Variants in MLXIP observed in about 807,000 individuals in gnomAD.
MLXIP encodes the protein MLX-interacting protein.
A neutral mutation model predicts 87.2 loss-of-function variants in MLXIP; 30 were observed. That is an observed-to-expected ratio of 0.34 (90% CI 0.26 to 0.47). MLXIP has a LOEUF of 0.47. Ranked by LOEUF, MLXIP falls within the 20% of genes least tolerant of loss-of-function variation. MLXIP has a pLI of 1.00. For synonymous variants in MLXIP, 530 were observed against 514.0 expected (o/e 1.03, Z -0.42); for missense variants, 1,002 against 1,240.1 (o/e 0.81, Z 2.88).
chr12:122,127,192 C>T, intron 1 of MLXIP, 64 bp from the exon 2 acceptor site: 1 of 1,318,704 alleles, frequency 7.6e-7, no homozygotes, highest in Non-Finnish European at 1.1e-6. Flanking sequence ...TCGGGTGGCA[C>T]TTTGTAATTT....
chr12:122,128,160 C>G (rs1428843163), intron 3 of MLXIP, 192 bp downstream of exon 3: 7 of 573,758 alleles, frequency 1.2e-5, no homozygotes, highest in Non-Finnish European at 2.2e-5. Flanking sequence ...AGAGCCTCCC[C>G]CTTCTCAGAG....
chr12:122,132,707 T>TAA (rs1274442835), intron 8 of MLXIP: 1 of 283,254 alleles, frequency 3.5e-6, no homozygotes, highest in Non-Finnish European at 6.6e-6. Flanking sequence ...CTAATAAAAA[T>TAA]AACTTCTGTA....
intron 1 of MLXIP, among the ~76,000 whole-genome samples, chr12:122,094,559 G>T (rs1182595405): frequency 4.1e-4 from 57 of 139,850 alleles, no homozygotes; most frequent in Non-Finnish European, 8.2e-4. Flanking sequence ...GGGTGTGTTT[G>T]CAGTGTGTGT....
Position 122,085,100 on chromosome 12 carries a change from C to T in MLXIP, c.413+5834C>T, listed in dbSNP as rs528123108. Among the ~76,000 whole-genome samples the T allele has an allele frequency of 7.9e-5, 12 of 152,052 alleles. No individual in the cohort carries two copies. The East Asian group carries it at 9.7e-4, about 12-fold the overall frequency. ...TGCAAATGCCAGTTCCTCTCCAGAG[C>T]GGGAAACCCAGATGGGGAAGGTGGA... On this transcript the variant is annotated intron_variant, in intron 1 of 16. Transcript: ENST00000319080.
In MLXIP at chr12:122,129,698, C is replaced by T. The variant is rs1593107020; in HGVS notation, c.738+69C>T. Reference sequence around the variant, plus strand: ...GACAGCAGGGACTTCGGTGGCCCACCAGGGAGCCCTGCAAAAGGCGGCAGG... The same window carrying T: ...GACAGCAGGGACTTCGGTGGCCCACTAGGGAGCCCTGCAAAAGGCGGCAGG... On this transcript the variant is annotated intron_variant, in intron 5 of 16. Coordinates refer to ENST00000319080, the MANE Select transcript of MLXIP (RefSeq NM_014938.6). The T allele has an allele frequency of 9.5e-6, 15 of 1,577,944 alleles. 1 individual carries two copies. In the East Asian group the frequency reaches 2.7e-4, roughly 29 times the overall value.
rs927491262 is a variant in MLXIP at position 122,078,793 on chromosome 12, G to T, written c.-61G>T. 2.0e-4 allele frequency: 207 copies of T among 1,025,840 alleles called. No homozygotes were observed. Among genetic ancestry groups the T allele is most frequent in the Non-Finnish European group, 2.2e-4 (190 of 858,236 alleles). The allele number at this position is 1,025,840 out of a possible 1,614,324, so 63.5% of individuals were successfully genotyped here. ...GGCCGGGCCGGGCCGGCGCCCCTCT[G>T]CCTCGCGCGCTTGTCGCGTTGCCCC... On this transcript the variant is annotated 5_prime_UTR_variant, in exon 1 of 17. Coordinates refer to ENST00000319080, the MANE Select transcript of MLXIP (RefSeq NM_014938.6).
chr12:122,124,145 G>A (rs1165638459), intron 1 of MLXIP, among the ~76,000 whole-genome samples: 4 of 138,466 alleles, frequency 2.9e-5, no homozygotes, highest in Non-Finnish European at 6.2e-5. Context: ...GAACCTCCCC[G>A]CCTCAGCTGT....
Position 122,135,482 on chromosome 12 carries a change from A to G in MLXIP, c.1855-7A>G. ...TCAGGGGTGACCTGTCTCCCATGTCACTGCAGGCTCCTGGGGTCCCGGAGT... is the reference window on the plus strand; with the variant it reads ...TCAGGGGTGACCTGTCTCCCATGTCGCTGCAGGCTCCTGGGGTCCCGGAGT... On this transcript the variant is annotated splice_region_variant and splice_polypyrimidine_tract_variant and intron_variant, in intron 10 of 16. Transcript: ENST00000319080. This position sits in a 1 kb window ranked among gnomAD's most constrained non-coding sequence, Gnocchi z 5.3. 1 of 1,609,886 alleles carries G rather than the reference A, an allele frequency of 6.2e-7. No individual in the cohort carries two copies. Among genetic ancestry groups the G allele is most frequent in the Non-Finnish European group, 8.5e-7 (1 of 1,178,478 alleles).
chr12:122,119,768 A>C (rs1349492759), intron 1 of MLXIP, among the ~76,000 whole-genome samples: 1 of 152,228 alleles, frequency 6.6e-6, no homozygotes, highest in Non-Finnish European at 1.5e-5. Flanking sequence ...ACAGTGCTGC[A>C]GTTTAATGTC....
chr12:122,137,796 C>T lies in MLXIP; in HGVS notation c.2154+206C>T, dbSNP rs1422913094. ...CCCCCTGGAGGCTTTTGGGTGAGCC[C>T]CAAGCCTGGGAGCCAACGCTGAGTC... is the stretch of plus-strand genomic sequence containing the variant. On this transcript the variant is annotated intron_variant, in intron 12 of 16. Coordinates refer to ENST00000319080, the MANE Select transcript of MLXIP (RefSeq NM_014938.6). This position sits in a 1 kb window ranked among gnomAD's most constrained non-coding sequence, Gnocchi z 4.1. The T allele has an allele frequency of 2.9e-6, 1 of 340,766 alleles. No individual in the cohort carries two copies. The highest frequency in any genetic ancestry group is 1.7e-4 in the East Asian group (1 of 5,952). 21.1% of individuals were successfully genotyped at this position (340,766 alleles called of 1,614,324 possible). A position where few individuals can be genotyped will look rare whatever the true frequency, so the allele number is the denominator to read the frequency against.
chr12:122,117,225 A>C (rs1249520706), intron 1 of MLXIP, among the ~76,000 whole-genome samples: 1 of 152,230 alleles, frequency 6.6e-6, no homozygotes, highest in Non-Finnish European at 1.5e-5. Context: ...GTAAGAAAAA[A>C]GATGCCAAGA....
At chr12:122,121,773 G>A (rs1238455417) in intron 1 of MLXIP, among the ~76,000 whole-genome samples, 1 of 152,172 alleles carries the variant, frequency 6.6e-6, no homozygotes, top group Non-Finnish European at 1.5e-5. Flanking sequence ...CCAGCCCTCT[G>A]AGGAATTCAT....
At chr12:122,082,340 G>A (rs1952103453) in intron 1 of MLXIP, among the ~76,000 whole-genome samples, 2 of 152,186 alleles carry the variant, frequency 1.3e-5, no homozygotes, top group Admixed American at 6.5e-5. Flanking sequence ...TTTCCCCGAG[G>A]CAAACCAGGT....
At chr12:122,140,389 C>T (rs879628769) in intron 15 of MLXIP, among the ~76,000 whole-genome samples, 2 of 152,062 alleles carry the variant, frequency 1.3e-5, no homozygotes, top group African/African-American at 2.4e-5. Context: ...CTCCGCCTCC[C>T]GGGTTCAAGC....
At chr12:122,112,205 C>T (rs760856812) in intron 1 of MLXIP, among the ~76,000 whole-genome samples, 1 of 152,094 alleles carries the variant, frequency 6.6e-6, no homozygotes, top group Non-Finnish European at 1.5e-5. Context: ...AACATATGTT[C>T]AGAGAAGTGT....
intron 7 of MLXIP, among the ~76,000 whole-genome samples, chr12:122,131,368 G>A (rs938410972): frequency 2.0e-5 from 3 of 151,292 alleles, no homozygotes; most frequent in Non-Finnish European, 4.4e-5. Flanking sequence ...GTGTCTCAGG[G>A]TAATACCCTC....
intron 1 of MLXIP, among the ~76,000 whole-genome samples, chr12:122,087,032 T>C (rs1277266187): frequency 1.3e-5 from 2 of 152,184 alleles, no homozygotes; most frequent in East Asian, 3.8e-4. Flanking sequence ...GTCTCACATA[T>C]GGACCTTGCT....
intron 1 of MLXIP, among the ~76,000 whole-genome samples, chr12:122,097,107 C>G (rs897446773): frequency 5.3e-5 from 8 of 152,236 alleles, no homozygotes; most frequent in African/African-American, 1.9e-4. Flanking sequence ...CTAACACTTG[C>G]ATTGTCAGAA....
chr12:122,090,240 A>C (rs1446812599), intron 1 of MLXIP, among the ~76,000 whole-genome samples: 1 of 152,246 alleles, frequency 6.6e-6, no homozygotes, highest in Non-Finnish European at 1.5e-5. Context: ...TCACGCCTGT[A>C]ATCCCAACAC....
Sources: gnomAD v4.1 joint callset for allele counts (sites outside exome capture counted in the v4.1 genomes callset) on GRCh38, gnomAD v4.1.1 for gene constraint, Gnocchi (gnomAD v3.1) non-coding constraint, MANE v1.5 for transcripts, NCBI Gene and HGNC (gene_info 2026-07-23, HGNC 2026-07-21) for gene names.